Variants in HEBP2 observed in about 807,000 individuals in gnomAD.
HEBP2 encodes heme binding protein 2, also known as heme-binding protein 2.
Under a neutral mutation model 23.1 loss-of-function variants are expected in HEBP2, and 27 were observed. That is an observed-to-expected ratio of 1.17 (90% CI 0.86 to 1.61). The LOEUF (loss-of-function observed/expected upper bound fraction) is 1.61, where lower values mean the gene tolerates loss of function less well. HEBP2 is among the 40% of genes most tolerant of loss of function. The probability of loss-of-function intolerance (pLI) is 0.00; values close to 1 mark genes in which losing one functional copy is unlikely to be tolerated. For missense variants in HEBP2, 245 were observed against 253.8 expected (o/e 0.97, Z 0.24); for synonymous variants, 99 against 95.1 (o/e 1.04, Z -0.24).
chr6:138,404,624 G>A, intron 1 of HEBP2, 27 bp downstream of exon 1: 1 of 1,244,708 alleles, frequency 8.0e-7, no homozygotes, highest in Non-Finnish European at 1.0e-6. Context: ...GAGCGGAGGG[G>A]CTGGGCCCGC....
In HEBP2 at chr6:138,417,785, C is replaced by T. The variant is rs965322527; in HGVS notation, c.*4707C>T. 2.0e-5 allele frequency: 3 copies of T among 152,120 alleles called. No homozygotes were observed. The highest frequency in any genetic ancestry group is 7.2e-5 in the African/African-American group (3 of 41,408). The allele number at this position is 152,120 out of a possible 1,614,324, so 9.4% of individuals were successfully genotyped here. On this transcript the variant is annotated 3_prime_UTR_variant, in exon 4 of 4. Coordinates refer to ENST00000607197, the MANE Select transcript of HEBP2 (RefSeq NM_014320.3). ...AAGGTGTTAGAAGAAACTACTTAAG[C>T]CAAGAAATGAGTAACTGGAAATTAG... is the stretch of plus-strand genomic sequence containing the variant.
chr6:138,406,203 C>A, intron 3 of HEBP2, 52 bp downstream of exon 3: 2 of 1,507,202 alleles, frequency 1.3e-6, no homozygotes, highest in Non-Finnish European at 1.8e-6. Flanking sequence ...TACTTGCGTG[C>A]ACTCACAGTT....
At chr6:138,405,121 G>C (rs759522784) in intron 1 of HEBP2, 24 bp from the exon 2 acceptor site, 1 of 1,603,004 alleles carries the variant, frequency 6.2e-7, no homozygotes, top group Non-Finnish European at 8.5e-7. Context: ...ATTGCTTCTC[G>C]AAGTTTTCTC....
At chr6:138,403,757 C>T (rs1325436776), upstream of HEBP2, 1 of 403,720 alleles carries the variant, frequency 2.5e-6, no homozygotes, top group African/African-American at 2.1e-5. Flanking sequence ...CTCCCCGAGT[C>T]TCGTTAAGCC....
intron 3 of HEBP2, among the ~76,000 whole-genome samples, chr6:138,411,872 G>A (rs749674244): frequency 4.6e-5 from 7 of 152,098 alleles, no homozygotes; most frequent in Non-Finnish European, 8.8e-5. Flanking sequence ...GACTGCTTGA[G>A]CCCAGGAGGT....
In HEBP2 at chr6:138,421,826, G is replaced by A. The variant is rs1434086943; in HGVS notation, c.*8748G>A. On this transcript the variant is annotated 3_prime_UTR_variant, in exon 4 of 4. Transcript: ENST00000607197. Reference sequence around the variant, plus strand: ...TTTTATTCCAAAGTCCATAGGACACGATGTGGACTTGTTTTTCCACGTGCC... The same window carrying A: ...TTTTATTCCAAAGTCCATAGGACACAATGTGGACTTGTTTTTCCACGTGCC... 2 of 152,180 alleles carry A rather than the reference G, an allele frequency of 1.3e-5. No individual in the cohort carries two copies. Among genetic ancestry groups the A allele is most frequent in the African/African-American group, 4.8e-5 (2 of 41,436 alleles). The allele number at this position is 152,180 out of a possible 1,614,324, so 9.4% of individuals were successfully genotyped here.
rs1774639926 is a variant in HEBP2, at chr6:138,406,078, C to A, written c.346C>A (p.Gln116Lys). Residue 116 changes from glutamine to lysine, a missense_variant, in exon 3 of 4, where the codon CAA becomes AAA. Coordinates refer to ENST00000607197, the MANE Select transcript of HEBP2 (RefSeq NM_014320.3). Reference sequence around the variant, plus strand: ...TTCCCTGTATATTCCCTCTGAACAGCAATTTGATCCACCCAGGCCTTTAGA... The same window carrying A: ...TTCCCTGTATATTCCCTCTGAACAGAAATTTGATCCACCCAGGCCTTTAGA... ...TISLYIPSEQ[Q>K]FDPPRPLESD... 6.2e-7 allele frequency: 1 copy of A among 1,614,122 alleles called. No individual in the cohort carries two copies. Among genetic ancestry groups the A allele is most frequent in the Non-Finnish European group, 8.5e-7 (1 of 1,179,966 alleles).
rs1451898702 is a variant in HEBP2 at position 138,415,817 on chromosome 6, A to G, written c.*2739A>G. 6.6e-6 allele frequency: 1 copy of G among 152,118 alleles called. No individual in the cohort carries two copies. Among genetic ancestry groups the G allele is most frequent in the East Asian group, 1.9e-4 (1 of 5,174 alleles). 9.4% of individuals were successfully genotyped at this position (152,118 alleles called of 1,614,324 possible). On this transcript the variant is annotated 3_prime_UTR_variant, in exon 4 of 4. Transcript: ENST00000607197. ...TCTCCCCAACCATCTGCCTCCCTAGAAAACTCCCTGAATATTCACATCCTT... is the reference window on the plus strand; with the variant it reads ...TCTCCCCAACCATCTGCCTCCCTAGGAAACTCCCTGAATATTCACATCCTT...
rs370694376 is a variant in HEBP2, at chr6:138,421,822, A to G, written c.*8744A>G. On this transcript the variant is annotated 3_prime_UTR_variant, in exon 4 of 4. Coordinates refer to ENST00000607197, the MANE Select transcript of HEBP2 (RefSeq NM_014320.3). ...CGTATTTTATTCCAAAGTCCATAGG[A>G]CACGATGTGGACTTGTTTTTCCACG... 33 of 152,286 alleles carry G rather than the reference A, an allele frequency of 2.2e-4. No individual in the cohort carries two copies. Among genetic ancestry groups the G allele is most frequent in the Middle Eastern group, 6.8e-3 (2 of 294 alleles). 9.4% of individuals were successfully genotyped at this position (152,286 alleles called of 1,614,324 possible). A position where few individuals can be genotyped will look rare whatever the true frequency, so the allele number is the denominator to read the frequency against.
chr6:138,404,570 GA>G lies in HEBP2; in HGVS notation c.77del (p.Lys26ArgfsTer44), dbSNP rs1246750989. On this transcript the variant is annotated frameshift_variant, in exon 1 of 4. Coordinates refer to ENST00000607197, the MANE Select transcript of HEBP2 (RefSeq NM_014320.3). LOFTEE classifies it high-confidence loss of function. ...AAQAVETPGW[K>X]APEDAGPQPG... ...CCCAAGCTGTGGAGACGCCGGGCTG[GA>G]AGGCCCCGGAGGACGCCGGCCCCCA... is the stretch of plus-strand genomic sequence containing the variant. The G allele has an allele frequency of 2.3e-6, 3 of 1,306,198 alleles. No individual in the cohort carries two copies. The highest frequency in any genetic ancestry group is 2.1e-5 in the South Asian group (1 of 46,912). The allele number at this position is 1,306,198 out of a possible 1,614,324, so 80.9% of individuals were successfully genotyped here.
At chr6:138,412,000 A>G (rs1583105142) in intron 3 of HEBP2, 3 of 417,012 alleles carry the variant, frequency 7.2e-6, no homozygotes, top group Non-Finnish European at 1.4e-5. Flanking sequence ...CAGAACGTTG[A>G]TCTCTTCCAT....
In HEBP2 at chr6:138,411,935, C is replaced by G. The variant is rs926651206; in HGVS notation, c.420-945C>G. On this transcript the variant is annotated intron_variant, in intron 3 of 3. Coordinates refer to ENST00000607197, the MANE Select transcript of HEBP2 (RefSeq NM_014320.3). ...CCTGGGCAACAGACAGAGTGAGACT[C>G]TGTCTCAAAAAAACAAACAAACAAA... The G allele has an allele frequency of 8.3e-6, 3 of 361,954 alleles. No individual in the cohort carries two copies. In the East Asian group the frequency reaches 2.9e-4, roughly 35 times the overall value. 22.4% of individuals were successfully genotyped at this position (361,954 alleles called of 1,614,324 possible).
At position 138,406,039 on chromosome 6, in the gene HEBP2, T is replaced by C; in HGVS notation, c.307T>C (p.Ser103Pro). 1 of 1,614,046 alleles carries C rather than the reference T, an allele frequency of 6.2e-7. No homozygotes were observed. The highest frequency in any genetic ancestry group is 8.5e-7 in the Non-Finnish European group (1 of 1,179,956). The change falls in exon 3 of 4, where the codon TCT becomes CCT. Residue 103 changes from serine (S) to proline (P), a missense_variant. Ser to Pro is a moderately conservative substitution (Grantham distance 74). Coordinates refer to ENST00000607197, the MANE Select transcript of HEBP2 (RefSeq NM_014320.3). ...VEPGSGPFSE[S>P]TITISLYIPS... Reference sequence around the variant, plus strand: ...GCCTGGTTCAGGTCCTTTTAGTGAGTCTACCATTACCATTTCCCTGTATAT... The same window carrying C: ...GCCTGGTTCAGGTCCTTTTAGTGAGCCTACCATTACCATTTCCCTGTATAT...
intron 3 of HEBP2, among the ~76,000 whole-genome samples, chr6:138,408,372 C>T (rs1774685488): frequency 6.6e-6 from 1 of 152,232 alleles, no homozygotes; most frequent in Non-Finnish European, 1.5e-5. Context: ...TATTTCATAA[C>T]TCACAAGTTG....
intron 2 of HEBP2, 30 bp from the exon 3 acceptor site, chr6:138,405,941 A>T: frequency 1.3e-6 from 2 of 1,586,682 alleles, no homozygotes; most frequent in Non-Finnish European, 8.6e-7. Context: ...TCAAAAATAC[A>T]CTAAATTTGC....
Position 138,404,392 on chromosome 6 carries a change from GC to G in HEBP2, c.-103del. 4.3e-6 allele frequency: 3 copies of G among 704,288 alleles called. No individual in the cohort carries two copies. The highest frequency in any genetic ancestry group is 3.9e-6 in the Non-Finnish European group (2 of 517,188). 43.6% of individuals were successfully genotyped at this position (704,288 alleles called of 1,614,324 possible). On this transcript the variant is annotated 5_prime_UTR_variant, in exon 1 of 4. Transcript: ENST00000607197. ...CGGGAGGAGGGACCGGGTCTGCGGAGCGGGGACTCGGGGCCTCGGCGGGGCG... is the reference window on the plus strand; with the variant it reads ...CGGGAGGAGGGACCGGGTCTGCGGAGGGGGACTCGGGGCCTCGGCGGGGCG...
In HEBP2 at chr6:138,419,988, A is replaced by G. The variant is rs1221810442; in HGVS notation, c.*6910A>G. 1 of 152,304 alleles carries G rather than the reference A, an allele frequency of 6.6e-6. No individual in the cohort carries two copies. The highest frequency in any genetic ancestry group is 1.5e-5 in the Non-Finnish European group (1 of 68,092). The allele number at this position is 152,304 out of a possible 1,614,324, so 9.4% of individuals were successfully genotyped here. A position where few individuals can be genotyped will look rare whatever the true frequency, so the allele number is the denominator to read the frequency against. On this transcript the variant is annotated 3_prime_UTR_variant, in exon 4 of 4. Transcript: ENST00000607197. ...TCTAGTCAAGGGTAATTGACCCTGA[A>G]CTGCAGGAGGAGGCAAGCCTGCTGT...
At position 138,420,428 on chromosome 6, in the gene HEBP2, T is replaced by C. The variant is rs1774902846; in HGVS notation, c.*7350T>C. ...ATCCACATAGGCAAGGGGTGGACCA[T>C]GGCAGGCATAGAGCGGTGCCACTTA... On this transcript the variant is annotated 3_prime_UTR_variant, in exon 4 of 4. Coordinates refer to ENST00000607197, the MANE Select transcript of HEBP2 (RefSeq NM_014320.3). 1 of 152,170 alleles carries C rather than the reference T, an allele frequency of 6.6e-6. No homozygotes were observed. The highest frequency in any genetic ancestry group is 6.5e-5 in the Admixed American group (1 of 15,272). 9.4% of individuals were successfully genotyped at this position (152,170 alleles called of 1,614,324 possible). A position where few individuals can be genotyped will look rare whatever the true frequency, so the allele number is the denominator to read the frequency against.
At chr6:138,412,246 A>G (rs1774759586) in intron 3 of HEBP2, 1 of 343,412 alleles carries the variant, frequency 2.9e-6, no homozygotes, top group South Asian at 2.2e-5. Context: ...GCATCGTAGC[A>G]AAATCCCCAG....
Sources: gnomAD v4.1 joint callset for allele counts (sites outside exome capture counted in the v4.1 genomes callset) on GRCh38, gnomAD v4.1.1 for gene constraint, MANE v1.5 for transcripts, NCBI Gene and HGNC (gene_info 2026-07-23, HGNC 2026-07-21) for gene names.